Variants in RNLS observed in about 807,000 individuals in gnomAD.
RNLS encodes the protein renalase.
A neutral mutation model predicts 39.8 loss-of-function variants in RNLS; 39 were observed. The ratio of observed to expected loss-of-function variants is 0.98; its 90% confidence interval spans 0.76 to 1.28. RNLS has a LOEUF of 1.28. Among genes scored for constraint, RNLS ranks in the 50% most tolerant of loss-of-function variants. The probability of loss-of-function intolerance (pLI) is 0.00; values close to 1 mark genes in which losing one functional copy is unlikely to be tolerated. For synonymous variants in RNLS, 147 were observed against 150.7 expected (o/e 0.98, Z 0.18); for missense variants, 410 against 413.3 (o/e 0.99, Z 0.07).
chr10:88,334,603 G>A (rs1165329283), intron 5 of RNLS, among the ~76,000 whole-genome samples: 3 of 152,086 alleles, frequency 2.0e-5, no homozygotes, highest in Admixed American at 6.5e-5. Context: ...GGAGGAAAGT[G>A]CTCTCCACAC....
intron 4 of RNLS, among the ~76,000 whole-genome samples, chr10:88,445,801 C>T (rs1340459287): frequency 6.6e-6 from 1 of 152,128 alleles, no homozygotes; most frequent in African/African-American, 2.4e-5. Flanking sequence ...CAGGAGCACC[C>T]AAATTCATAA....
At chr10:88,420,060 GAATGAATA>G (rs1344549542) in intron 4 of RNLS, among the ~76,000 whole-genome samples, 466 of 42,984 alleles carry the variant, frequency 0.011, 1 homozygote, top group South Asian at 0.024. Flanking sequence ...ATAAATAAAT[GAATGAATA>G]AATAAATAAA....
At chr10:88,560,941 A>AAC (rs35709088) in intron 4 of RNLS, among the ~76,000 whole-genome samples, 5,044 of 145,756 alleles carry the variant, frequency 0.035, 149 homozygotes, top group African/African-American at 0.087. Context: ...GTTCAGAGAT[A>AAC]ACACACACAC....
the RNLS span, among the ~76,000 whole-genome samples, chr10:88,233,943 G>C: frequency 2.0e-5 from 3 of 151,140 alleles, no homozygotes; most frequent in African/African-American, 7.3e-5. Flanking sequence ...TGAGGGTTTG[G>C]GGGAATCAAC....
At chr10:88,325,096 T>C (rs1846497241) in intron 5 of RNLS, among the ~76,000 whole-genome samples, 1 of 152,232 alleles carries the variant, frequency 6.6e-6, no homozygotes, top group South Asian at 2.1e-4. Context: ...TAAATGATGC[T>C]GCTATGAACA....
chr10:88,263,949 T>C, the RNLS span, among the ~76,000 whole-genome samples: 1 of 152,172 alleles, frequency 6.6e-6, no homozygotes, highest in Admixed American at 6.6e-5. Flanking sequence ...ACCCAATGTG[T>C]AGCCTTTTAT....
At chr10:88,197,813 C>T in the RNLS span, among the ~76,000 whole-genome samples, 3 of 152,068 alleles carry the variant, frequency 2.0e-5, no homozygotes, top group African/African-American at 4.8e-5. Flanking sequence ...GAGGAAAGGC[C>T]GTGTGTAGGC....
intron 4 of RNLS, among the ~76,000 whole-genome samples, chr10:88,444,945 T>C (rs1841949916): frequency 6.6e-6 from 1 of 152,094 alleles, no homozygotes; most frequent in Non-Finnish European, 1.5e-5. Flanking sequence ...CAGGCCAACA[T>C]TCAAATTCAG....
At chr10:88,393,598 G>A (rs1232782597) in intron 4 of RNLS, among the ~76,000 whole-genome samples, 5 of 152,136 alleles carry the variant, frequency 3.3e-5, no homozygotes, top group South Asian at 4.1e-4. Context: ...AATCAATATC[G>A]TGAAAATGGC....
At position 88,362,562 on chromosome 10, in the gene RNLS, C is replaced by A. The variant is rs371211886; in HGVS notation, c.690G>T (p.Lys230Asn). The A allele has an allele frequency of 2.0e-5, 33 of 1,613,694 alleles. No homozygotes were observed. The highest frequency in any genetic ancestry group is 2.8e-5 in the Non-Finnish European group (33 of 1,179,766). ...AATAGGGGTACTGACCTATATTGCG[C>A]TTCTTATTATCAATGGAGACGAAGC... ...CIRFVSIDNK[K>N]RNIESSEIGP... The change falls in exon 5 of 7, where the codon AAG (lysine) becomes AAT (asparagine). Residue 230 changes from lysine to asparagine, a missense_variant. Coordinates refer to ENST00000331772, the MANE Select transcript of RNLS (RefSeq NM_001031709.3).
chr10:88,268,881 A>G (rs75006371), downstream of RNLS, among the ~76,000 whole-genome samples: 11 of 152,342 alleles, frequency 7.2e-5, no homozygotes, highest in East Asian at 1.7e-3. Context: ...TGTGGCCAAT[A>G]CAACATGAAG....
chr10:88,269,850 A>T (rs573231005), downstream of RNLS, among the ~76,000 whole-genome samples: 1 of 152,196 alleles, frequency 6.6e-6, no homozygotes, highest in South Asian at 2.1e-4. Context: ...TTGTTTTATC[A>T]TTATTATTAT....
chr10:88,336,311 T>G (rs1303840784), intron 5 of RNLS, among the ~76,000 whole-genome samples: 1 of 152,244 alleles, frequency 6.6e-6, no homozygotes, highest in Non-Finnish European at 1.5e-5. Context: ...CATTTGCCAT[T>G]TTAAATAAAG....
At chr10:88,208,432 A>C in the RNLS span, among the ~76,000 whole-genome samples, 5 of 152,290 alleles carry the variant, frequency 3.3e-5, no homozygotes, top group Admixed American at 2.6e-4. Context: ...TAGTCAATAA[A>C]ATTATTAAAA....
At chr10:88,509,788 A>T (rs757405935) in intron 4 of RNLS, among the ~76,000 whole-genome samples, 5 of 152,144 alleles carry the variant, frequency 3.3e-5, no homozygotes, top group Non-Finnish European at 7.3e-5. Context: ...GATTAAGGAA[A>T]GATTTCCTCA....
At chr10:88,337,063 T>C (rs751712485) in intron 5 of RNLS, among the ~76,000 whole-genome samples, 5 of 152,282 alleles carry the variant, frequency 3.3e-5, no homozygotes, top group Admixed American at 2.0e-4. Flanking sequence ...CTCCCTATTT[T>C]AGGGAGAAAA....
At chr10:88,379,986 C>A (rs1356362797) in intron 4 of RNLS, among the ~76,000 whole-genome samples, 1 of 152,122 alleles carries the variant, frequency 6.6e-6, no homozygotes, top group Non-Finnish European at 1.5e-5. Context: ...GACACCAAGG[C>A]ACAGAGACAA....
chr10:88,323,032 A>T (rs564763012), intron 5 of RNLS, among the ~76,000 whole-genome samples: 79 of 152,314 alleles, frequency 5.2e-4, no homozygotes, highest in African/African-American at 1.7e-3. Flanking sequence ...AATCCCACTT[A>T]CATTTGCCAC....
At chr10:88,530,522 T>C (rs949834203) in intron 4 of RNLS, among the ~76,000 whole-genome samples, 3 of 152,210 alleles carry the variant, frequency 2.0e-5, no homozygotes, top group African/African-American at 7.2e-5. Context: ...ATTTAACTAC[T>C]CGTTCAACAT....
Sources: gnomAD v4.1 joint callset for allele counts (sites outside exome capture counted in the v4.1 genomes callset) on GRCh38, gnomAD v4.1.1 for gene constraint, MANE v1.5 for transcripts, NCBI Gene and HGNC (gene_info 2026-07-23, HGNC 2026-07-21) for gene names.